Variants in SLX4 observed in about 807,000 individuals in gnomAD.
The protein encoded by SLX4 is SLX4 structure-specific endonuclease subunit.
Under a neutral mutation model 146.2 loss-of-function variants are expected in SLX4, and 112 were observed. The observed-to-expected ratio is 0.77, with a 90% confidence interval of 0.66 to 0.90. The LOEUF is 0.90. Among genes scored for constraint, SLX4 ranks in the 40% least tolerant of loss-of-function variants. SLX4 has a pLI of 0.00. For missense variants in SLX4, 2,563 were observed against 2,392.7 expected (o/e 1.07, Z -1.49); for synonymous variants, 1,061 against 997.7 (o/e 1.06, Z -1.20).
chr16:3,596,947 C>T (rs796270760), intron 7 of SLX4, among the ~76,000 whole-genome samples: 5 of 152,224 alleles, frequency 3.3e-5, no homozygotes, highest in African/African-American at 1.2e-4. Flanking sequence ...CTCAGTCTCC[C>T]AAGTAACTGG....
At chr16:3,596,125 G>A (rs974382081) in intron 8 of SLX4, 28 bp downstream of exon 8, 2 of 1,543,316 alleles carry the variant, frequency 1.3e-6, no homozygotes, top group Non-Finnish European at 1.7e-6. Flanking sequence ...GGGCAGGGCT[G>A]GCCCTAGAGT....
At chr16:3,603,644 T>C (rs568250333) in intron 3 of SLX4, among the ~76,000 whole-genome samples, 1 of 152,388 alleles carries the variant, frequency 6.6e-6, no homozygotes, top group East Asian at 1.9e-4. Context: ...AATGGTTTCT[T>C]CCTATTTCTT....
rs1315121473 is a variant in SLX4 at position 3,596,386 on chromosome 16, A to G, written c.1691T>C (p.Met564Thr). ...LVPQRPAQGL[M>T]QEPVPPLVPP... Reference sequence around the variant, plus strand: ...CACCAGAGGCGGCACGGGCTCCTGCATAAGGCCCTGAAAGAAGCCAGTAAG... The same window carrying G: ...CACCAGAGGCGGCACGGGCTCCTGCGTAAGGCCCTGAAAGAAGCCAGTAAG... The change falls in exon 8 of 15, where the codon ATG (methionine) becomes ACG (threonine). Residue 564 changes from methionine (M) to threonine (T), a missense_variant. Transcript: ENST00000294008. 5 of 1,594,666 alleles carry G rather than the reference A, an allele frequency of 3.1e-6. No individual in the cohort carries two copies. In the Admixed American group the frequency reaches 5.1e-5, roughly 16 times the overall value.
At chr16:3,596,008 G>C (rs1247506598) in intron 8 of SLX4, 145 bp downstream of exon 8, 3 of 1,285,412 alleles carry the variant, frequency 2.3e-6, no homozygotes, top group Non-Finnish European at 3.1e-6. Flanking sequence ...GAGAAAAAAT[G>C]AAAGCGCCCA....
In SLX4 at chr16:3,608,616, C is replaced by A. The variant is rs775853263; in HGVS notation, c.349G>T (p.Ala117Ser). ...AEKKPPSGSQ[A>S]PRTKKQRVTK... ...ACCCTTTGCTTTTTAGTCCTAGGGG[C>A]CTGGCTGCCAGACGGAGGTTTCTTC... The change falls in exon 2 of 15, where the codon GCC (alanine) becomes TCC (serine). Residue 117 changes from alanine (A) to serine (S), a missense_variant. Coordinates refer to ENST00000294008, the MANE Select transcript of SLX4 (RefSeq NM_032444.4). 26 of 1,613,930 alleles carry A rather than the reference C, an allele frequency of 1.6e-5. No homozygotes were observed. The highest frequency in any genetic ancestry group is 1.7e-5 in the Non-Finnish European group (20 of 1,180,004).
intron 12 of SLX4, among the ~76,000 whole-genome samples, chr16:3,587,987 T>A (rs534089017): frequency 1.5e-4 from 23 of 152,064 alleles, no homozygotes; most frequent in Non-Finnish European, 3.1e-4. Flanking sequence ...CCCCGGGGAC[T>A]GAAATGAGCA....
Position 3,589,501 on chromosome 16 carries a change from A to T in SLX4, c.4137T>A (p.Pro1379=), listed in dbSNP as rs1214624639. Residue 1379 remains proline (P), a synonymous_variant, in exon 12 of 15, where the codon CCT becomes CCA. Coordinates refer to ENST00000294008, the MANE Select transcript of SLX4 (RefSeq NM_032444.4). The surrounding 1 kb of genome is among the most constrained non-coding windows in gnomAD (Gnocchi z 6.2). ...GGGTCTGGTTCAGGAAGCTTGGCCC[A>T]GGCGGCGAGTGTTTCAGGAACCGCC... The part of the protein sequence containing the change: ...FSRRFLKHSP[P]GPSFLNQTPA... 2 of 1,609,870 alleles carry T rather than the reference A, an allele frequency of 1.2e-6. No homozygotes were observed. Among genetic ancestry groups the T allele is most frequent in the Admixed American group, 3.3e-5 (2 of 59,968 alleles).
At chr16:3,596,828 T>G (rs1271822237) in intron 7 of SLX4, among the ~76,000 whole-genome samples, 1 of 151,916 alleles carries the variant, frequency 6.6e-6, no homozygotes, top group East Asian at 1.9e-4. Context: ...ACTCTGTTTT[T>G]TTTTTTTTTT....
chr16:3,582,223 C>T lies in SLX4; in HGVS notation c.*119G>A. 1.2e-6 allele frequency: 1 copy of T among 805,238 alleles called. No homozygotes were observed. The allele number at this position is 805,238 out of a possible 1,614,324, so 49.9% of individuals were successfully genotyped here. A position where few individuals can be genotyped will look rare whatever the true frequency, so the allele number is the denominator to read the frequency against. On this transcript the variant is annotated 3_prime_UTR_variant, in exon 15 of 15. Coordinates refer to ENST00000294008, the MANE Select transcript of SLX4 (RefSeq NM_032444.4). ...CATCACAGCGCAGAGCTGATGTGGT[C>T]CCCAGGCCCAGAAATGCCTGTGGAG...
chr16:3,592,667 G>A, intron 11 of SLX4, 32 bp downstream of exon 11: 1 of 1,606,178 alleles, frequency 6.2e-7, no homozygotes, highest in Non-Finnish European at 8.5e-7. Flanking sequence ...GTCCTCGTCA[G>A]TTAATTTCAA....
intron 5 of SLX4, chr16:3,600,530 C>T (rs1267124432): frequency 1.4e-5 from 3 of 213,368 alleles, no homozygotes; most frequent in South Asian, 6.5e-5. Context: ...CCGATTTCCG[C>T]CCTAAGTGTT....
At chr16:3,588,736 A>T (rs2040536796) in intron 12 of SLX4, among the ~76,000 whole-genome samples, 1 of 152,126 alleles carries the variant, frequency 6.6e-6, no homozygotes, top group Non-Finnish European at 1.5e-5. Context: ...GGGTCCACAG[A>T]TGTGGATTTT....
intron 11 of SLX4, among the ~76,000 whole-genome samples, chr16:3,592,295 A>G (rs2040602405): frequency 6.6e-6 from 1 of 152,248 alleles, no homozygotes; most frequent in Admixed American, 6.5e-5. Context: ...GGCATCTGGG[A>G]TGCAGCCTAA....
rs752089590 is a variant in SLX4 at position 3,597,756 on chromosome 16, C to G, written c.1366+41G>C. 6.2e-7 allele frequency: 1 copy of G among 1,613,934 alleles called. No homozygotes were observed. The highest frequency in any genetic ancestry group is 1.3e-5 in the African/African-American group (1 of 74,916). ...AGTCGGTCCACTCACCCGGGACCTG[C>G]TGATGGCCTCTCCCAGGGTCACTCT... On this transcript the variant is annotated intron_variant, in intron 6 of 14. Coordinates refer to ENST00000294008, the MANE Select transcript of SLX4 (RefSeq NM_032444.4). This position sits in a 1 kb window ranked among gnomAD's most constrained non-coding sequence, Gnocchi z 4.4.
intron 13 of SLX4, 46 bp from the exon 14 acceptor site, chr16:3,583,556 T>G: frequency 6.2e-7 from 1 of 1,604,784 alleles, no homozygotes. Flanking sequence ...ACACAGCTGG[T>G]CCACACTCCA....
rs1422054292 is a variant in SLX4 at position 3,590,374 on chromosome 16, G to A, written c.3264C>T (p.Ile1088=). ...VPSKQKRDRS[I]LTLSKEPGHQ... is the part of the protein sequence containing the mutation. ...GCCCTGGCTCTTTAGACAGCGTGAG[G>A]ATGCTCCTGTCCCTTTTCTGCTTTG... Residue 1088 remains isoleucine (I), a synonymous_variant, in exon 12 of 15, where the codon ATC becomes ATT. Transcript: ENST00000294008. This position sits in a 1 kb window ranked among gnomAD's most constrained non-coding sequence, Gnocchi z 4.8. 10 of 1,614,104 alleles carry A rather than the reference G, an allele frequency of 6.2e-6. No homozygotes were observed. The highest frequency in any genetic ancestry group is 1.3e-5 in the African/African-American group (1 of 74,942).
rs1374779146 is a variant in SLX4, at chr16:3,596,333, G to T, written c.1744C>A (p.Arg582=). 1.3e-6 allele frequency: 2 copies of T among 1,589,168 alleles called. No individual in the cohort carries two copies. Among genetic ancestry groups the T allele is most frequent in the Admixed American group, 3.6e-5 (2 of 56,290 alleles). ...VPPEHSELSE[R]RSPALHGTPT... ...GTGCCGTGGAGAGCGGGTGACCTTCGCTCGCTCAGCTCTGAGTGCTCAGGT... is the reference window on the plus strand; with the variant it reads ...GTGCCGTGGAGAGCGGGTGACCTTCTCTCGCTCAGCTCTGAGTGCTCAGGT... Residue 582 remains arginine (R), a synonymous_variant, in exon 8 of 15, where the codon CGA becomes AGA. Transcript: ENST00000294008.
rs192144067 is a variant in SLX4 at position 3,589,958 on chromosome 16, C to T, written c.3680G>A (p.Gly1227Asp). Residue 1227 changes from glycine (G) to aspartate (D), a missense_variant, in exon 12 of 15, where the codon GGC (glycine) becomes GAC (aspartate). Transcript: ENST00000294008. The surrounding 1 kb of genome is among the most constrained non-coding windows in gnomAD (Gnocchi z 6.2). ...GGGAGCCCCTCTCCTGCCCAAAGAGCCCCGATTCTCCGGCAGCGCCCCCTC... is the reference window on the plus strand; with the variant it reads ...GGGAGCCCCTCTCCTGCCCAAAGAGTCCCGATTCTCCGGCAGCGCCCCCTC... ...EDEGALPENRGSLGRRGAPWL... is the reference protein window; with the variant it reads ...EDEGALPENRDSLGRRGAPWL... 1 of 1,613,894 alleles carries T rather than the reference C, an allele frequency of 6.2e-7. No homozygotes were observed. The highest frequency in any genetic ancestry group is 8.5e-7 in the Non-Finnish European group (1 of 1,179,982).
At chr16:3,602,034 T>G in intron 4 of SLX4, 84 bp downstream of exon 4, 2 of 1,521,116 alleles carry the variant, frequency 1.3e-6, no homozygotes, top group Non-Finnish European at 1.8e-6. Flanking sequence ...CATGGTAAGG[T>G]GTGGAGATCC....
Sources: allele counts gnomAD v4.1 joint callset (sites outside exome capture counted in the v4.1 genomes callset), GRCh38; gene constraint gnomAD v4.1.1; non-coding constraint Gnocchi (gnomAD v3.1); transcripts MANE v1.5; gene names NCBI Gene and HGNC (gene_info 2026-07-23, HGNC 2026-07-21).